Variants in FGD6 observed in about 807,000 individuals in gnomAD.
The protein encoded by FGD6 is FYVE, RhoGEF and PH domain-containing protein 6.
A neutral mutation model predicts 149.4 loss-of-function variants in FGD6; 90 were observed. The observed-to-expected ratio is 0.60, with a 90% confidence interval of 0.51 to 0.72. FGD6 has a LOEUF of 0.72. Among genes scored for constraint, FGD6 ranks in the 30% least tolerant of loss-of-function variants. The probability of loss-of-function intolerance (pLI) is 0.00; values close to 1 mark genes in which losing one functional copy is unlikely to be tolerated. For synonymous variants in FGD6, 527 were observed against 584.0 expected (o/e 0.90, Z 1.41); for missense variants, 1,437 against 1,684.8 (o/e 0.85, Z 2.57).
intron 2 of FGD6, among the ~76,000 whole-genome samples, chr12:95,199,754 G>A (rs1881823025): frequency 6.6e-6 from 1 of 151,916 alleles, no homozygotes; most frequent in Non-Finnish European, 1.5e-5. Flanking sequence ...ACAGGCACGT[G>A]CCACAACACC....
At chr12:95,138,369 C>A (rs879405972) in intron 6 of FGD6, among the ~76,000 whole-genome samples, 4 of 151,904 alleles carry the variant, frequency 2.6e-5, no homozygotes, top group Non-Finnish European at 5.9e-5. Context: ...CATGGTAAAA[C>A]CCTGCCTCTA....
At chr12:95,203,719 G>A (rs2056675218) in intron 2 of FGD6, among the ~76,000 whole-genome samples, 1 of 152,158 alleles carries the variant, frequency 6.6e-6, no homozygotes. Context: ...AGTTGCCTAG[G>A]AAAACCCAAT....
At chr12:95,111,498 A>AT (rs2136243396) in intron 9 of FGD6, among the ~76,000 whole-genome samples, 1 of 152,184 alleles carries the variant, frequency 6.6e-6, no homozygotes, top group East Asian at 1.9e-4. Context: ...TTTCTATTCT[A>AT]TAAGTTCCAT....
At chr12:95,171,936 T>TA (rs1881000688) in intron 3 of FGD6, among the ~76,000 whole-genome samples, 1 of 151,580 alleles carries the variant, frequency 6.6e-6, no homozygotes, top group South Asian at 2.1e-4. Context: ...AACAGCCATC[T>TA]TTATTCTTTC....
intron 1 of FGD6, among the ~76,000 whole-genome samples, chr12:95,212,719 G>C (rs1349971245): frequency 6.6e-6 from 1 of 152,132 alleles, no homozygotes; most frequent in Non-Finnish European, 1.5e-5. Context: ...ATAGACAGGG[G>C]CTCTGATATT....
chr12:95,146,273 CT>C (rs550408072), intron 5 of FGD6, among the ~76,000 whole-genome samples: 4 of 152,052 alleles, frequency 2.6e-5, no homozygotes, highest in African/African-American at 9.7e-5. Flanking sequence ...GAGGTGACAT[CT>C]TTTTTTTATA....
In FGD6 at chr12:95,209,480, TG is replaced by T; in HGVS notation, c.1803del (p.Arg602GlufsTer32). The T allele has an allele frequency of 1.9e-6, 3 of 1,612,320 alleles. No individual in the cohort carries two copies. The highest frequency in any genetic ancestry group is 2.5e-6 in the Non-Finnish European group (3 of 1,179,400). ...TCCATAGCAGATAACGATTTTGCTC[TG>T]GGCTTGGTTAGGGCTGTTGAAGGCT... is the stretch of plus-strand genomic sequence containing the variant. ...NSEPSTALTKPRAKSLSAMDV... is the reference protein window; with the variant it reads ...NSEPSTALTKXRAKSLSAMDV... On this transcript the variant is annotated frameshift_variant, in exon 2 of 21. Coordinates refer to ENST00000343958, the MANE Select transcript of FGD6 (RefSeq NM_018351.4). LOFTEE classifies it high-confidence loss of function.
chr12:95,100,619 C>T, intron 14 of FGD6: 2 of 512,502 alleles, frequency 3.9e-6, no homozygotes, highest in South Asian at 1.5e-5. Context: ...TTTTCCCACC[C>T]TTGGGACTCT....
intron 6 of FGD6, among the ~76,000 whole-genome samples, chr12:95,138,244 A>ATAAATAAC (rs1404936339): frequency 9.6e-6 from 1 of 104,668 alleles, no homozygotes; most frequent in Non-Finnish European, 2.0e-5. Flanking sequence ...AAATAAATAA[A>ATAAATAAC]TAACTCACTC....
intron 2 of FGD6, among the ~76,000 whole-genome samples, chr12:95,205,538 C>A (rs143818489): frequency 2.0e-4 from 30 of 152,270 alleles, no homozygotes; most frequent in Admixed American, 9.2e-4. Flanking sequence ...TTTTTCTTAT[C>A]ATTTTAGAAC....
intron 8 of FGD6, among the ~76,000 whole-genome samples, chr12:95,129,164 C>G (rs1323269021): frequency 6.6e-6 from 1 of 152,118 alleles, no homozygotes; most frequent in Non-Finnish European, 1.5e-5. Context: ...AATTTGCTGG[C>G]AGATCCTACA....
At chr12:95,160,848 G>A (rs1880617762) in intron 3 of FGD6, among the ~76,000 whole-genome samples, 1 of 149,002 alleles carries the variant, frequency 6.7e-6, no homozygotes, top group Non-Finnish European at 1.5e-5. Flanking sequence ...TGGGTGACGA[G>A]AGCAAAACTC....
intron 14 of FGD6, among the ~76,000 whole-genome samples, chr12:95,098,606 C>T (rs552129340): frequency 6.6e-6 from 1 of 152,170 alleles, no homozygotes; most frequent in Non-Finnish European, 1.5e-5. Flanking sequence ...CTCCTAATGA[C>T]CAGGAGGCTC....
At chr12:95,136,284 G>A (rs1037517417) in intron 7 of FGD6, among the ~76,000 whole-genome samples, 11 of 151,426 alleles carry the variant, frequency 7.3e-5, no homozygotes, top group East Asian at 1.9e-4. Flanking sequence ...CGTGAACCTC[G>A]GAGGCAGAGG....
intron 8 of FGD6, among the ~76,000 whole-genome samples, chr12:95,129,901 T>G (rs185944085): frequency 6.6e-6 from 1 of 152,288 alleles, no homozygotes; most frequent in East Asian, 1.9e-4. Context: ...CTCGAACTTC[T>G]GAGCTCAAGC....
At position 95,209,803 on chromosome 12, in the gene FGD6, A is replaced by G. The variant is rs2056714638; in HGVS notation, c.1481T>C (p.Ile494Thr). 6.2e-7 allele frequency: 1 copy of G among 1,610,182 alleles called. No homozygotes were observed. Among genetic ancestry groups the G allele is most frequent in the African/African-American group, 1.3e-5 (1 of 74,448 alleles). Residue 494 changes from isoleucine to threonine, a missense_variant, in exon 2 of 21, where the codon ATT becomes ACT. Around this residue, in one of 2 missense-constraint regions of FGD6, gnomAD observed 1,055 missense variants for 1,146.0 expected, o/e 0.92. Coordinates refer to ENST00000343958, the MANE Select transcript of FGD6 (RefSeq NM_018351.4). The stretch of plus-strand genomic sequence containing the variant: ...ATGTCTTTGAGGTTTTTTGGGGACA[A>G]TTCGTAGAGAATTTTCCTCTTTTAT... ...SVIKEENSLRIVPKKPQRHSL... is the reference protein window; with the variant it reads ...SVIKEENSLRTVPKKPQRHSL...
intron 8 of FGD6, among the ~76,000 whole-genome samples, chr12:95,132,928 A>T (rs1304882593): frequency 6.6e-6 from 1 of 152,238 alleles, no homozygotes; most frequent in Non-Finnish European, 1.5e-5. Context: ...GCCATTCAAT[A>T]GCTGGTTTAT....
chr12:95,142,565 A>T (rs1221981964), intron 5 of FGD6, among the ~76,000 whole-genome samples: 1 of 152,246 alleles, frequency 6.6e-6, no homozygotes, highest in Non-Finnish European at 1.5e-5. Context: ...GGCATGAGCC[A>T]CCGTGCCTGG....
intron 2 of FGD6, among the ~76,000 whole-genome samples, chr12:95,174,290 T>C (rs769470093): frequency 8.5e-5 from 13 of 152,140 alleles, no homozygotes; most frequent in Non-Finnish European, 1.6e-4. Flanking sequence ...GTTAACAGGG[T>C]GGACAGACTA....
Sources: allele counts gnomAD v4.1 joint callset (sites outside exome capture counted in the v4.1 genomes callset), GRCh38; gene constraint gnomAD v4.1.1; regional missense constraint gnomAD v4.1.1; transcripts MANE v1.5; gene names NCBI Gene and HGNC (gene_info 2026-07-23, HGNC 2026-07-21).